Variants in RS1 observed in about 807,000 individuals in gnomAD.
RS1 encodes retinoschisin 1, also known as retinoschisin.
In RS1, 2 loss-of-function variants were observed where a neutral mutation model predicts 20.8. The observed-to-expected ratio is 0.10, with a 90% CI of 0.04 to 0.30. The LOEUF (loss-of-function observed/expected upper bound fraction) is 0.30, where lower values mean the gene tolerates loss of function less well. RS1 is among the 10% of genes least tolerant of loss of function. RS1 has a pLI of 1.00. For missense variants in RS1, 151 were observed against 189.8 expected (o/e 0.80, Z 1.20); for synonymous variants, 70 against 75.8 (o/e 0.92, Z 0.40).
intron 3 of RS1, 94 bp from the exon 4 acceptor site, chrX:18,647,426 G>T: frequency 1.0e-6 from 1 of 987,005 alleles, no homozygotes; most frequent in Non-Finnish European, 1.4e-6. Context: ...TCTGCTTTGC[G>T]CTTCGGAGAC....
At chrX:18,651,746 T>C (rs1350214526) in intron 3 of RS1, among the ~76,000 whole-genome samples, 1 of 112,125 alleles carries the variant, frequency 8.9e-6, no homozygotes, top group African/African-American at 3.2e-5. Flanking sequence ...GCTGGATTTC[T>C]TCTAACGTGG....
chrX:18,647,375 C>G (rs1602312916), intron 3 of RS1, 43 bp from the exon 4 acceptor site: 4 of 1,185,633 alleles, frequency 3.4e-6, no homozygotes, highest in Non-Finnish European at 3.4e-6. Context: ...TATCTCAATA[C>G]TCAACAAGCA....
At chrX:18,649,396 C>T (rs1487261965) in intron 3 of RS1, among the ~76,000 whole-genome samples, 1 of 111,435 alleles carries the variant, frequency 9.0e-6, no homozygotes, top group Non-Finnish European at 1.9e-5. Context: ...GCAATTAAGG[C>T]AAATCATAGT....
At chrX:18,644,216 G>T (rs901175382) in intron 5 of RS1, among the ~76,000 whole-genome samples, 6 of 111,009 alleles carry the variant, frequency 5.4e-5, no homozygotes, top group Non-Finnish European at 1.1e-4. Flanking sequence ...TTTTTTTTTT[G>T]AGCTTAAGAA....
chrX:18,652,489 T>C (rs1400092123), intron 3 of RS1, among the ~76,000 whole-genome samples: 1 of 111,438 alleles, frequency 9.0e-6, no homozygotes, highest in Non-Finnish European at 1.9e-5. Context: ...GCCAACACGG[T>C]GAAACCCCAT....
In RS1 at chrX:18,642,459, G is replaced by A. The variant is rs1350665880; in HGVS notation, c.523-303C>T. Among the ~76,000 whole-genome samples the A allele has an allele frequency of 1.2e-4, 13 of 111,079 alleles. No homozygotes were observed. In the East Asian group the frequency reaches 3.4e-3, roughly 29 times the overall value. On this transcript the variant is annotated intron_variant, in intron 5 of 5. Transcript: ENST00000379984. ...CACATGAGCCACATTTCAAGTGGCC[G>A]CCATATTGGACAGTGCAGATGTGAA...
chrX:18,649,348 C>T (rs771245409), intron 3 of RS1, among the ~76,000 whole-genome samples: 4 of 111,853 alleles, frequency 3.6e-5, no homozygotes, highest in Non-Finnish European at 5.6e-5. Context: ...GATCCTCCCA[C>T]CTCATTCTCC....
chrX:18,645,748 T>G (rs1488680029), intron 4 of RS1, among the ~76,000 whole-genome samples: 1 of 111,104 alleles, frequency 9.0e-6, no homozygotes, highest in East Asian at 2.8e-4. Flanking sequence ...ACTTAAAATA[T>G]TTATCCGGCA....
intron 3 of RS1, chrX:18,650,407 C>T: frequency 8.3e-7 from 1 of 1,211,495 alleles, no homozygotes; most frequent in African/African-American, 1.7e-5. Context: ...GAATATTTTC[C>T]AGGAGAATAC....
intron 1 of RS1, among the ~76,000 whole-genome samples, chrX:18,668,699 A>T (rs1317935636): frequency 3.5e-5 from 4 of 112,825 alleles, no homozygotes; most frequent in Non-Finnish European, 7.5e-5. Flanking sequence ...AACACAGATG[A>T]ACCTCAACCA....
chrX:18,643,043 T>TCAAAA (rs927125343), intron 5 of RS1, among the ~76,000 whole-genome samples: 2 of 111,059 alleles, frequency 1.8e-5, no homozygotes, highest in African/African-American at 6.5e-5. Context: ...AGACTCCATC[T>TCAAAA]CAAAACAAAA....
chrX:18,659,382 G>T (rs1285448845), intron 1 of RS1, among the ~76,000 whole-genome samples: 2 of 111,053 alleles, frequency 1.8e-5, no homozygotes, highest in Non-Finnish European at 3.8e-5. Context: ...GCTGAGGCAG[G>T]AGAATCACTT....
At chrX:18,657,329 T>C (rs1653427899) in intron 2 of RS1, among the ~76,000 whole-genome samples, 1 of 97,766 alleles carries the variant, frequency 1.0e-5, no homozygotes, top group Non-Finnish European at 2.0e-5. Flanking sequence ...CAAGCGATTC[T>C]CTTGCCTCAG....
rs1206112195 is a variant in RS1 at position 18,656,626 on chromosome X, T to G, written c.184+27A>C. 3.6e-6 allele frequency: 4 copies of G among 1,105,918 alleles called. No homozygotes were observed. In the African/African-American group the frequency reaches 7.3e-5, roughly 20 times the overall value. The allele number at this position is 1,105,918 out of a possible 1,213,427, so 91.1% of individuals were successfully genotyped here. On this transcript the variant is annotated intron_variant, in intron 3 of 5. Transcript: ENST00000379984. ...GAAATGGGGTGTTCCCAATGACTGTTCCATCCCAAGGACAGGGGATACTCA... is the reference window on the plus strand; with the variant it reads ...GAAATGGGGTGTTCCCAATGACTGTGCCATCCCAAGGACAGGGGATACTCA...
rs189610421 is a variant in RS1 at position 18,669,057 on chromosome X, A to G, written c.52+2960T>C. On this transcript the variant is annotated intron_variant, in intron 1 of 5. Coordinates refer to ENST00000379984, the MANE Select transcript of RS1 (RefSeq NM_000330.4). ...ACAGTCACCTATAAGTTGAGGCTGA[A>G]GGACTTTTTTTGTTTTTATATAATA... Among the ~76,000 whole-genome samples the G allele has an allele frequency of 1.9e-3, 216 of 112,224 alleles. 3 individuals carry two copies. The highest frequency in any genetic ancestry group is 5.2e-3 in the African/African-American group (160 of 30,990).
chrX:18,652,559 C>T (rs756149278), intron 3 of RS1, among the ~76,000 whole-genome samples: 1 of 111,520 alleles, frequency 9.0e-6, no homozygotes, highest in East Asian at 2.8e-4. Flanking sequence ...ATCCCAGCTA[C>T]TTGGGAGGCT....
At chrX:18,663,018 T>C (rs1602322472) in intron 1 of RS1, among the ~76,000 whole-genome samples, 1 of 106,294 alleles carries the variant, frequency 9.4e-6, no homozygotes, top group East Asian at 2.9e-4. Flanking sequence ...TTGGGTTGGT[T>C]CCAAGAACAA....
intron 3 of RS1, among the ~76,000 whole-genome samples, chrX:18,652,050 G>A (rs1000406833): frequency 3.1e-4 from 34 of 110,063 alleles, no homozygotes; most frequent in African/African-American, 1.1e-3. Flanking sequence ...CACCTGTCAC[G>A]CACCCCTCCT....
rs767699013 is a variant in RS1 at position 18,669,465 on chromosome X, T to C, written c.52+2552A>G. Reference sequence around the variant, plus strand: ...GAGATCACGCCACTGCACTCCAGCCTGGGCAACAAGAGTGAAATTCTCAAA... The same window carrying C: ...GAGATCACGCCACTGCACTCCAGCCCGGGCAACAAGAGTGAAATTCTCAAA... On this transcript the variant is annotated intron_variant, in intron 1 of 5. Transcript: ENST00000379984. 3.6e-3 allele frequency among the ~76,000 whole-genome samples: 265 copies of C among 73,488 alleles called. 2 individuals are homozygous for C. The highest frequency in any genetic ancestry group is 0.012 in the African/African-American group (246 of 20,957). 63.8% of individuals were successfully genotyped at this position (73,488 alleles called of 115,157 possible).
Sources: gnomAD v4.1 joint callset for allele counts (sites outside exome capture counted in the v4.1 genomes callset) on GRCh38, gnomAD v4.1.1 for gene constraint, MANE v1.5 for transcripts, NCBI Gene and HGNC (gene_info 2026-07-23, HGNC 2026-07-21) for gene names.